The following HHAT variants were observed in gnomAD, a reference collection of about 807,000 sequenced individuals.
HHAT encodes the protein protein-cysteine N-palmitoyltransferase HHAT.
HHAT carries 47 observed loss-of-function variants against 70.8 expected under a neutral mutation model. The ratio of observed to expected loss-of-function variants is 0.66; its 90% CI spans 0.53 to 0.85. HHAT has a LOEUF of 0.85. Ranked by LOEUF, HHAT falls within the 40% of genes least tolerant of loss-of-function variation. The probability of loss-of-function intolerance (pLI) is 0.00; values close to 1 mark genes in which losing one functional copy is unlikely to be tolerated. For missense variants in HHAT, 609 were observed against 604.8 expected (o/e 1.01, Z -0.07); for synonymous variants, 228 against 247.6 (o/e 0.92, Z 0.74).
chr1:210,605,668 G>A (rs529721395), intron 10 of HHAT, among the ~76,000 whole-genome samples: 27 of 152,248 alleles, frequency 1.8e-4, no homozygotes, highest in East Asian at 5.8e-4. Context: ...GTTTAAGTAA[G>A]ATACGTCCAT....
At chr1:210,350,208 A>G (rs1442147363) in intron 2 of HHAT, among the ~76,000 whole-genome samples, 1 of 152,196 alleles carries the variant, frequency 6.6e-6, no homozygotes, top group African/African-American at 2.4e-5. Context: ...CCATAAAATA[A>G]AGATGTTTAT....
At chr1:210,479,706 C>T (rs1011070012) in intron 8 of HHAT, among the ~76,000 whole-genome samples, 1 of 152,022 alleles carries the variant, frequency 6.6e-6, no homozygotes, top group Admixed American at 6.6e-5. Flanking sequence ...CAGTGGATAC[C>T]TTGAAAACTA....
At chr1:210,476,708 C>G (rs12040742) in intron 8 of HHAT, among the ~76,000 whole-genome samples, 18,574 of 152,168 alleles carry the variant, frequency 0.12, 1,455 homozygotes, top group East Asian at 0.23. Context: ...TTAACACAGC[C>G]AGTGTTTTGG....
chr1:210,570,540 G>A (rs1042666488), intron 9 of HHAT, among the ~76,000 whole-genome samples: 1 of 152,166 alleles, frequency 6.6e-6, no homozygotes, highest in Non-Finnish European at 1.5e-5. Context: ...GTGCCCAGGG[G>A]CTGGTGCTAC....
intron 9 of HHAT, among the ~76,000 whole-genome samples, chr1:210,561,559 G>A (rs1398538070): frequency 1.3e-5 from 2 of 152,114 alleles, no homozygotes; most frequent in African/African-American, 4.8e-5. Context: ...CTCAGTAAGT[G>A]TTCATTCTTA....
chr1:210,443,386 T>G lies in HHAT; in HGVS notation c.857-21119T>G, dbSNP rs1031647550. Among the ~76,000 whole-genome samples the G allele has an allele frequency of 2.0e-5, 3 of 149,802 alleles. No individual in the cohort carries two copies. The East Asian group carries it at 5.9e-4, about 29-fold the overall frequency. On this transcript the variant is annotated intron_variant, in intron 7 of 11. Coordinates refer to ENST00000261458, the MANE Select transcript of HHAT (RefSeq NM_018194.6). ...GTTTTTTCCAATTCTGTGAGGAAAG[T>G]CATTGGTAGCTTGATGGGGATGGCA...
chr1:210,441,088 C>T (rs562640718), intron 7 of HHAT, among the ~76,000 whole-genome samples: 26 of 152,306 alleles, frequency 1.7e-4, no homozygotes, highest in Non-Finnish European at 2.4e-4. Context: ...CTAGCCACTG[C>T]GTGCTGCCAC....
At chr1:210,352,018 A>C (rs2087076371) in intron 2 of HHAT, among the ~76,000 whole-genome samples, 2 of 152,184 alleles carry the variant, frequency 1.3e-5, no homozygotes, top group Admixed American at 1.3e-4. Context: ...GAGGACACTG[A>C]GGCTCAAAAG....
At position 210,387,473 on chromosome 1, in the gene HHAT, G is replaced by A. The variant is rs147287125; in HGVS notation, c.165G>A (p.Ala55=). 107 of 1,613,768 alleles carry A rather than the reference G, an allele frequency of 6.6e-5. No homozygotes were observed. The highest frequency in any genetic ancestry group is 8.0e-5 in the Non-Finnish European group (94 of 1,179,844). Residue 55 remains alanine, a synonymous_variant, in exon 4 of 12, where the codon GCG becomes GCA. Coordinates refer to ENST00000261458, the MANE Select transcript of HHAT (RefSeq NM_018194.6). ...DTLFGGLKKD[A]TDFEWSFWME... ...AACTATTTTGTCCTATTTAGGATGC[G>A]ACCGACTTTGAGTGGAGCTTCTGGA...
chr1:210,397,225 T>C (rs2148184509), intron 4 of HHAT, among the ~76,000 whole-genome samples: 1 of 152,350 alleles, frequency 6.6e-6, no homozygotes, highest in Non-Finnish European at 1.5e-5. Flanking sequence ...ACATAAAAGT[T>C]GTATGCAACT....
intron 4 of HHAT, among the ~76,000 whole-genome samples, chr1:210,397,386 TG>T (rs936991667): frequency 7.2e-4 from 110 of 152,324 alleles, no homozygotes; most frequent in African/African-American, 2.5e-3. Context: ...TTAAATGAAT[TG>T]GGCTATTTTG....
intron 9 of HHAT, among the ~76,000 whole-genome samples, chr1:210,584,839 G>C (rs959076314): frequency 2.6e-5 from 4 of 152,166 alleles, no homozygotes; most frequent in African/African-American, 9.7e-5. Flanking sequence ...TCACAAGCAG[G>C]TTTGCCCATC....
intron 9 of HHAT, among the ~76,000 whole-genome samples, chr1:210,537,249 T>C (rs6678188): frequency 6.6e-5 from 10 of 152,202 alleles, no homozygotes; most frequent in South Asian, 4.1e-4. Flanking sequence ...CTGAAAATGC[T>C]GTCAGTGGCT....
chr1:210,560,660 A>G (rs896439996), intron 9 of HHAT, among the ~76,000 whole-genome samples: 8 of 151,240 alleles, frequency 5.3e-5, no homozygotes, highest in African/African-American at 1.9e-4. Flanking sequence ...AAAAAAAAAA[A>G]AAAGCCAGGT....
intron 1 of HHAT, 132 bp downstream of exon 1, chr1:210,329,236 AGGGC>A (rs2084766748): frequency 8.4e-7 from 1 of 1,195,694 alleles, no homozygotes; most frequent in Admixed American, 4.4e-5. Flanking sequence ...TGCGCGCCCG[AGGGC>A]GGGACAGAGG....
chr1:210,484,173 G>T (rs1295467693), intron 8 of HHAT, among the ~76,000 whole-genome samples: 1 of 152,134 alleles, frequency 6.6e-6, no homozygotes, highest in Non-Finnish European at 1.5e-5. Flanking sequence ...AGAATAGAAT[G>T]GAAAAATGCC....
At chr1:210,528,429 A>AT (rs2095275889) in intron 9 of HHAT, among the ~76,000 whole-genome samples, 1 of 152,236 alleles carries the variant, frequency 6.6e-6, no homozygotes, top group Non-Finnish European at 1.5e-5. Flanking sequence ...CTTGAATGCC[A>AT]TTTTAAAGAT....
intron 7 of HHAT, among the ~76,000 whole-genome samples, chr1:210,423,814 G>A (rs1206161236): frequency 4.6e-5 from 7 of 152,084 alleles, no homozygotes; most frequent in Middle Eastern, 3.2e-3. Flanking sequence ...CTTAATGAGT[G>A]TTTTTGGCAT....
At chr1:210,446,862 G>A (rs1180094215) in intron 7 of HHAT, among the ~76,000 whole-genome samples, 1 of 152,162 alleles carries the variant, frequency 6.6e-6, no homozygotes, top group Non-Finnish European at 1.5e-5. Context: ...AGGACTCATT[G>A]CCATGTGAAA....
Sources: allele counts gnomAD v4.1 joint callset (sites outside exome capture counted in the v4.1 genomes callset), GRCh38; gene constraint gnomAD v4.1.1; transcripts MANE v1.5; gene names NCBI Gene and HGNC (gene_info 2026-07-23, HGNC 2026-07-21).